SPATA3: variants seen among roughly 807,000 people sequenced by gnomAD.
SPATA3 encodes spermatogenesis-associated protein 3.
A neutral mutation model predicts 5.7 loss-of-function variants in SPATA3; 6 were observed. The ratio of observed to expected loss-of-function variants is 1.06; its 90% CI spans 0.58 to 2.09. The LOEUF is 2.09. Among genes scored for constraint, SPATA3 ranks in the 30% most tolerant of loss-of-function variants. The probability of loss-of-function intolerance (pLI) is 0.00; values close to 1 mark genes in which losing one functional copy is unlikely to be tolerated. For synonymous variants in SPATA3, 44 were observed against 48.4 expected, an observed-to-expected ratio of 0.91 and a Z score of 0.37; for missense variants, 155 against 130.4, an observed-to-expected ratio of 1.19 and a Z score of -0.92.
chr2:231,011,101 G>GGAA (rs371513586), downstream of SPATA3, among the ~76,000 whole-genome samples: 7,234 of 124,322 alleles, frequency 0.058, 506 homozygotes, highest in African/African-American at 0.16. Context: ...AAAAGAAAAA[G>GGAA]AAAGCCATCA....
chr2:231,009,003 C>T (rs181098388), downstream of SPATA3, among the ~76,000 whole-genome samples: 158 of 152,030 alleles, frequency 1.0e-3, 1 homozygote, highest in South Asian at 1.9e-3. Context: ...TGTGTCCCTC[C>T]TGGTACCCAT....
At chr2:231,012,968 A>C (rs564657598) in intron 5 of SPATA3, among the ~76,000 whole-genome samples, 1 of 152,192 alleles carries the variant, frequency 6.6e-6, no homozygotes, top group East Asian at 1.9e-4. Flanking sequence ...CCTCCTGCGC[A>C]CTTGGACTTG....
At chr2:231,013,515 A>C (rs1404980559) in intron 5 of SPATA3, among the ~76,000 whole-genome samples, 6 of 149,778 alleles carry the variant, frequency 4.0e-5, no homozygotes, top group Non-Finnish European at 8.9e-5. Context: ...TTTGAGAAGG[A>C]GTTTCACTCC....
At chr2:231,000,816 C>G (rs528945313) in intron 2 of SPATA3, among the ~76,000 whole-genome samples, 1 of 152,218 alleles carries the variant, frequency 6.6e-6, no homozygotes, top group South Asian at 2.1e-4. Flanking sequence ...TTTCTTTTCT[C>G]CAGAGATGCC....
chr2:231,004,904 C>T (rs1322997886), downstream of SPATA3, among the ~76,000 whole-genome samples: 1 of 151,952 alleles, frequency 6.6e-6, no homozygotes, highest in African/African-American at 2.4e-5. Flanking sequence ...AAGCACTCAA[C>T]ATAGCTACAT....
chr2:231,000,732 G>C (rs527368318), intron 2 of SPATA3, among the ~76,000 whole-genome samples, 195 bp downstream of exon 2: 2 of 152,090 alleles, frequency 1.3e-5, no homozygotes, highest in African/African-American at 2.4e-5. Context: ...CCCCACCCCC[G>C]GGGTACCCAC....
downstream of SPATA3, chr2:231,007,280 A>C (rs963628947): frequency 6.6e-6 from 1 of 152,228 alleles, no homozygotes; most frequent in African/African-American, 2.4e-5. Flanking sequence ...AGAAAAAAAA[A>C]ACGAGTTCTG....
downstream of SPATA3, among the ~76,000 whole-genome samples, chr2:231,011,099 A>AG (rs1315745832): frequency 4.0e-3 from 538 of 133,930 alleles, 4 homozygotes; most frequent in African/African-American, 0.018. Flanking sequence ...AGAAAAGAAA[A>AG]AGAAAGCCAT....
intron 1 of SPATA3, among the ~76,000 whole-genome samples, chr2:230,997,034 A>T (rs144516073): frequency 3.3e-5 from 5 of 152,264 alleles, no homozygotes; most frequent in Middle Eastern, 6.8e-3. Context: ...AATTGAAGGA[A>T]TTGGAGGATG....
intron 6 of SPATA3, among the ~76,000 whole-genome samples, chr2:231,015,257 CTTTT>C (rs35102459): frequency 1.3e-4 from 12 of 94,112 alleles, no homozygotes; most frequent in Admixed American, 1.1e-3. Context: ...ATCGTTTTGG[CTTTT>C]TTTTTTTTTT....
chr2:231,000,443 G>A lies in SPATA3; in HGVS notation c.868G>A (p.Gly290Arg), dbSNP rs370099747. ...CAGCTCCGCTTGCTGGCGTCGTCTGGGGCTATGCCATAGCCGCATCTTCGA... is the reference window on the plus strand; with the variant it reads ...CAGCTCCGCTTGCTGGCGTCGTCTGAGGCTATGCCATAGCCGCATCTTCGA... The change falls in exon 2 of 3, where the codon GGG (glycine) becomes AGG (arginine). Residue 290 changes from glycine (G) to arginine (R), a missense_variant. Transcript: ENST00000645363. 1.4e-4 allele frequency: 213 copies of A among 1,549,468 alleles called. No homozygotes were observed. The highest frequency in any genetic ancestry group is 4.3e-4 in the South Asian group (36 of 83,916).
chr2:231,010,063 A>G (rs1692743321), downstream of SPATA3, among the ~76,000 whole-genome samples: 2 of 152,208 alleles, frequency 1.3e-5, no homozygotes, highest in African/African-American at 4.8e-5. Flanking sequence ...AATAACTAAG[A>G]CTGCTGTGGC....
At chr2:231,009,537 C>T (rs1397408655), downstream of SPATA3, among the ~76,000 whole-genome samples, 1 of 152,202 alleles carries the variant, frequency 6.6e-6, no homozygotes, top group Non-Finnish European at 1.5e-5. Flanking sequence ...CCACCAAAAC[C>T]CCAAGAGCAT....
intron 2 of SPATA3, 66 bp from the exon 3 acceptor site, chr2:231,002,618 C>T: frequency 1.0e-6 from 1 of 1,003,186 alleles, no homozygotes; most frequent in Non-Finnish European, 1.4e-6. Flanking sequence ...TTTCCACTTT[C>T]TCCTGTTCGT....
At chr2:231,008,428 T>C (rs1176977988), downstream of SPATA3, among the ~76,000 whole-genome samples, 6 of 152,116 alleles carry the variant, frequency 3.9e-5, no homozygotes, top group Non-Finnish European at 8.8e-5. Flanking sequence ...CTCCTATGAC[T>C]CTAAGAATTA....
intron 6 of SPATA3, among the ~76,000 whole-genome samples, chr2:231,018,845 C>T (rs12987706): frequency 0.011 from 1,623 of 151,894 alleles, 13 homozygotes; most frequent in Non-Finnish European, 0.019. Flanking sequence ...CCACCACACC[C>T]AGCTAATTTT....
intron 6 of SPATA3, among the ~76,000 whole-genome samples, chr2:231,019,545 C>T (rs898217650): frequency 4.6e-5 from 7 of 150,640 alleles, no homozygotes; most frequent in Middle Eastern, 3.2e-3. Flanking sequence ...GGGATGGTCT[C>T]GATCTCCTGA....
At chr2:231,009,993 G>C (rs1374620397), downstream of SPATA3, among the ~76,000 whole-genome samples, 1 of 152,246 alleles carries the variant, frequency 6.6e-6, no homozygotes, top group African/African-American at 2.4e-5. Flanking sequence ...GGGCTTTCAA[G>C]AGGGAAGTTT....
chr2:231,000,592 C>G, intron 2 of SPATA3, 55 bp downstream of exon 2: 1 of 1,413,046 alleles, frequency 7.1e-7, no homozygotes, highest in Non-Finnish European at 9.3e-7. Flanking sequence ...GGGCCAGGCT[C>G]TGCCCCCAGA....
Sources: gnomAD v4.1 joint callset for allele counts (sites outside exome capture counted in the v4.1 genomes callset) on GRCh38, gnomAD v4.1.1 for gene constraint, MANE v1.5 for transcripts, NCBI Gene and HGNC (gene_info 2026-07-23, HGNC 2026-07-21) for gene names.